TMEM163: variants seen among roughly 807,000 people sequenced by gnomAD.
TMEM163 encodes the protein transmembrane protein 163.
TMEM163 carries 17 observed loss-of-function variants against 29.3 expected under a neutral mutation model. The observed-to-expected ratio is 0.58, with a 90% CI of 0.40 to 0.87. The LOEUF (loss-of-function observed/expected upper bound fraction) is 0.87, where lower values mean the gene tolerates loss of function less well. Ranked by LOEUF, TMEM163 falls within the 40% of genes least tolerant of loss-of-function variation. TMEM163 has a pLI of 0.00. For synonymous variants in TMEM163, 157 were observed against 160.6 expected, an observed-to-expected ratio of 0.98 and a Z score of 0.17; for missense variants, 303 against 381.5, an observed-to-expected ratio of 0.79 and a Z score of 1.71.
chr2:134,539,421 G>A (rs978744440), intron 4 of TMEM163, among the ~76,000 whole-genome samples: 6 of 152,162 alleles, frequency 3.9e-5, no homozygotes, highest in South Asian at 2.1e-4. Context: ...CGGTGCTGAC[G>A]GTGTATGCAC....
intron 5 of TMEM163, among the ~76,000 whole-genome samples, chr2:134,480,047 G>A (rs1687012620): frequency 6.6e-6 from 1 of 152,210 alleles, no homozygotes; most frequent in Non-Finnish European, 1.5e-5. Flanking sequence ...CCCCTGCACT[G>A]CCCCATACGC....
intron 2 of TMEM163, among the ~76,000 whole-genome samples, chr2:134,700,772 G>A (rs1234263908): frequency 6.6e-6 from 1 of 151,998 alleles, no homozygotes; most frequent in African/African-American, 2.4e-5. Context: ...GGTGTCAGGT[G>A]ACTGTAATCT....
At chr2:134,672,363 G>A (rs935120886) in intron 2 of TMEM163, among the ~76,000 whole-genome samples, 1 of 152,154 alleles carries the variant, frequency 6.6e-6, no homozygotes, top group Non-Finnish European at 1.5e-5. Flanking sequence ...CCAAATTTAT[G>A]TATTTACTGC....
chr2:134,572,632 T>C (rs1479090725), intron 2 of TMEM163, among the ~76,000 whole-genome samples: 1 of 152,144 alleles, frequency 6.6e-6, no homozygotes, highest in African/African-American at 2.4e-5. Context: ...CATCAATAGG[T>C]CTAAATGCCA....
chr2:134,655,996 T>G lies in TMEM163; in HGVS notation c.322+57204A>C, dbSNP rs1226649337. On this transcript the variant is annotated intron_variant, in intron 2 of 7. Transcript: ENST00000281924. Reference sequence around the variant, plus strand: ...TAAGTCTGCAGAGGTTACTGCTGTCTTTTCCTTTGTCTGTGCCCTGCCCCC... The same window carrying G: ...TAAGTCTGCAGAGGTTACTGCTGTCGTTTCCTTTGTCTGTGCCCTGCCCCC... Among the ~76,000 whole-genome samples, 24 of 145,718 alleles carry G rather than the reference T, an allele frequency of 1.6e-4. 1 individual carries two copies. The South Asian group carries it at 5.1e-3, about 31-fold the overall frequency.
intron 2 of TMEM163, among the ~76,000 whole-genome samples, chr2:134,616,716 A>G (rs556509854): frequency 6.6e-6 from 1 of 152,320 alleles, no homozygotes; most frequent in East Asian, 1.9e-4. Flanking sequence ...ACCAATGTCA[A>G]TTACCTGGTT....
intron 4 of TMEM163, among the ~76,000 whole-genome samples, chr2:134,512,080 T>C (rs1679960829): frequency 6.6e-6 from 1 of 152,158 alleles, no homozygotes; most frequent in Non-Finnish European, 1.5e-5. Flanking sequence ...CATTTGCAAA[T>C]AAACCTGCTG....
At chr2:134,615,960 G>A (rs1409326344) in intron 2 of TMEM163, among the ~76,000 whole-genome samples, 3 of 152,082 alleles carry the variant, frequency 2.0e-5, no homozygotes, top group Non-Finnish European at 2.9e-5. Flanking sequence ...CCCAGCCTAA[G>A]AGCAGAGCTT....
intron 4 of TMEM163, among the ~76,000 whole-genome samples, chr2:134,503,366 C>T (rs1014756290): frequency 1.3e-5 from 2 of 152,236 alleles, no homozygotes; most frequent in African/African-American, 4.8e-5. Flanking sequence ...AGAATGGAGG[C>T]TCTGGCATGA....
chr2:134,579,680 T>C (rs1681646548), intron 2 of TMEM163, among the ~76,000 whole-genome samples: 1 of 152,176 alleles, frequency 6.6e-6, no homozygotes, highest in African/African-American at 2.4e-5. Flanking sequence ...GGAAGAGATA[T>C]ACTGGGATTT....
At chr2:134,666,751 T>C (rs1558984614) in intron 2 of TMEM163, among the ~76,000 whole-genome samples, 1 of 152,180 alleles carries the variant, frequency 6.6e-6, no homozygotes, top group Admixed American at 6.5e-5. Context: ...TCCTCATCTA[T>C]AAAAAGGAGA....
intron 1 of TMEM163, among the ~76,000 whole-genome samples, chr2:134,715,323 G>T (rs1398693551): frequency 1.3e-5 from 2 of 152,148 alleles, no homozygotes; most frequent in African/African-American, 4.8e-5. Context: ...GCACCCCCCT[G>T]GAGGAGTTTC....
chr2:134,628,571 T>C (rs953369396), intron 2 of TMEM163, among the ~76,000 whole-genome samples: 5 of 152,242 alleles, frequency 3.3e-5, no homozygotes, highest in African/African-American at 1.2e-4. Context: ...TCTGCCTACA[T>C]AACTGAACCA....
intron 2 of TMEM163, among the ~76,000 whole-genome samples, chr2:134,596,600 T>C (rs1372226043): frequency 4.6e-5 from 7 of 152,244 alleles, no homozygotes; most frequent in Non-Finnish European, 1.0e-4. Flanking sequence ...ATGCGAGCTC[T>C]TCTTTGGTTC....
chr2:134,707,897 CT>C (rs35922959), intron 2 of TMEM163, among the ~76,000 whole-genome samples: 5,557 of 133,610 alleles, frequency 0.042, 132 homozygotes, highest in African/African-American at 0.079. Context: ...CAGACCAGAA[CT>C]TTTTTTTTTT....
At chr2:134,592,410 T>C (rs912412735) in intron 2 of TMEM163, among the ~76,000 whole-genome samples, 2 of 152,232 alleles carry the variant, frequency 1.3e-5, no homozygotes, top group Non-Finnish European at 2.9e-5. Context: ...CAAGGAAATA[T>C]ATTTTGGGTT....
chr2:134,551,008 G>C (rs1209278482), intron 3 of TMEM163, among the ~76,000 whole-genome samples: 1 of 152,204 alleles, frequency 6.6e-6, no homozygotes, highest in Non-Finnish European at 1.5e-5. Context: ...TCCCAGATAA[G>C]AGATTCGGGT....
chr2:134,620,844 A>G (rs1682715315), intron 2 of TMEM163, among the ~76,000 whole-genome samples: 1 of 152,204 alleles, frequency 6.6e-6, no homozygotes, highest in Non-Finnish European at 1.5e-5. Context: ...GAGTAACAGC[A>G]CTAAATGTAA....
chr2:134,545,879 T>C (rs1221007731), intron 4 of TMEM163, among the ~76,000 whole-genome samples: 2 of 152,248 alleles, frequency 1.3e-5, no homozygotes, highest in African/African-American at 4.8e-5. Flanking sequence ...TGCTAATCCA[T>C]GGTGATTATT....
Sources: allele counts gnomAD v4.1 joint callset (sites outside exome capture counted in the v4.1 genomes callset), GRCh38; gene constraint gnomAD v4.1.1; transcripts MANE v1.5; gene names NCBI Gene and HGNC (gene_info 2026-07-23, HGNC 2026-07-21).